The following PHF20L1 variants were observed in gnomAD, a reference collection of about 807,000 sequenced individuals.
PHF20L1 encodes PHD finger protein 20-like protein 1.
Under a neutral mutation model 125.5 loss-of-function variants are expected in PHF20L1, and 44 were observed. The ratio of observed to expected loss-of-function variants is 0.35; its 90% CI spans 0.28 to 0.45. The LOEUF (loss-of-function observed/expected upper bound fraction) is 0.45, where lower values mean the gene tolerates loss of function less well. Among genes scored for constraint, PHF20L1 ranks in the 20% least tolerant of loss-of-function variants. The pLI is 1.00. For missense variants in PHF20L1, 1,012 were observed against 1,217.2 expected, an observed-to-expected ratio of 0.83 and a Z score of 2.51; for synonymous variants, 380 against 403.1, an observed-to-expected ratio of 0.94 and a Z score of 0.69.
chr8:132,775,402 G>C lies in PHF20L1; in HGVS notation c.-281G>C, dbSNP rs1350518097. The C allele has an allele frequency of 2.6e-6, 1 of 381,898 alleles. No individual in the cohort carries two copies. The highest frequency in any genetic ancestry group is 3.9e-5 in the East Asian group (1 of 25,798). 23.7% of individuals were successfully genotyped at this position (381,898 alleles called of 1,614,324 possible). ...GGCGTCGCGTCAGGGCTGGCCGGCGGCGGAGGCGGCGGCGGCGGCGGCGAT... is the reference window on the plus strand; with the variant it reads ...GGCGTCGCGTCAGGGCTGGCCGGCGCCGGAGGCGGCGGCGGCGGCGGCGAT... On this transcript the variant is annotated 5_prime_UTR_variant, in exon 1 of 21. Coordinates refer to ENST00000395386, the MANE Select transcript of PHF20L1 (RefSeq NM_016018.5).
rs1035719676 is a variant in PHF20L1, at chr8:132,776,801, C to T, written c.-37-991C>T. Reference sequence around the variant, plus strand: ...CATAGTCATTAGTGATCTCAAATACCGAAAGACATTTTACGGATCTCTCCT... The same window carrying T: ...CATAGTCATTAGTGATCTCAAATACTGAAAGACATTTTACGGATCTCTCCT... On this transcript the variant is annotated intron_variant, in intron 1 of 20. Coordinates refer to ENST00000395386, the MANE Select transcript of PHF20L1 (RefSeq NM_016018.5). Among the ~76,000 whole-genome samples, 29 of 151,968 alleles carry T rather than the reference C, an allele frequency of 1.9e-4. 1 individual carries two copies. The highest frequency in any genetic ancestry group is 7.0e-4 in the African/African-American group (29 of 41,360).
chr8:132,799,519 C>T (rs1832796360), intron 6 of PHF20L1: 1 of 168,808 alleles, frequency 5.9e-6, no homozygotes, highest in African/African-American at 2.4e-5. Flanking sequence ...AGAAAGGTGC[C>T]ATTAGAAATT....
chr8:132,830,755 C>CT (rs1159471132), intron 14 of PHF20L1, among the ~76,000 whole-genome samples: 2 of 152,200 alleles, frequency 1.3e-5, no homozygotes, highest in Non-Finnish European at 2.9e-5. Context: ...TTTCTCACCA[C>CT]TGCCATCCCC....
intron 8 of PHF20L1, chr8:132,809,821 C>T (rs1456203067): frequency 6.6e-6 from 1 of 151,828 alleles, no homozygotes; most frequent in Non-Finnish European, 1.5e-5. Flanking sequence ...AACTGGGGTT[C>T]ACTGAAGGTA....
At chr8:132,833,179 G>A (rs902553171) in intron 15 of PHF20L1, among the ~76,000 whole-genome samples, 1 of 152,066 alleles carries the variant, frequency 6.6e-6, no homozygotes, top group Admixed American at 6.6e-5. Flanking sequence ...TTCAGCATAA[G>A]TACAACCTAG....
intron 13 of PHF20L1, 146 bp from the exon 14 acceptor site, chr8:132,825,118 T>C: frequency 6.5e-7 from 1 of 1,540,790 alleles, no homozygotes; most frequent in Non-Finnish European, 8.8e-7. Context: ...TCCAGAGTCA[T>C]GACATGAACA....
chr8:132,815,050 T>C, intron 10 of PHF20L1, 161 bp downstream of exon 10: 1 of 538,184 alleles, frequency 1.9e-6, no homozygotes, highest in Non-Finnish European at 3.2e-6. Context: ...ACCATAGACA[T>C]TTCTTACTGA....
At chr8:132,804,849 T>C (rs1287664370) in intron 8 of PHF20L1, 109 bp downstream of exon 8, 3 of 898,346 alleles carry the variant, frequency 3.3e-6, no homozygotes, top group Non-Finnish European at 3.4e-6. Flanking sequence ...ATGGACCTGT[T>C]AATAACAAAG....
At chr8:132,822,512 T>C (rs1279653201) in intron 12 of PHF20L1, among the ~76,000 whole-genome samples, 5 of 152,024 alleles carry the variant, frequency 3.3e-5, no homozygotes, top group African/African-American at 1.2e-4. Flanking sequence ...CACTGAGGAT[T>C]TGGAAAGCAC....
intron 8 of PHF20L1, chr8:132,807,913 A>G (rs1833923934): frequency 1.2e-5 from 4 of 325,400 alleles, no homozygotes; most frequent in Non-Finnish European, 2.4e-5. Flanking sequence ...AGGGCCTGTT[A>G]GTAATACATA....
intron 14 of PHF20L1, among the ~76,000 whole-genome samples, chr8:132,830,656 A>G (rs1050963702): frequency 8.5e-5 from 13 of 152,062 alleles, no homozygotes; most frequent in African/African-American, 1.4e-4. Context: ...CTCATACTCT[A>G]TCTACCACAT....
chr8:132,843,477 T>A (rs1838135371), intron 19 of PHF20L1: 2 of 981,108 alleles, frequency 2.0e-6, no homozygotes, highest in South Asian at 4.7e-5. Context: ...AACAAGTAAT[T>A]ACCATAAATA....
In PHF20L1 at chr8:132,846,101, C is replaced by G; in HGVS notation, c.*178C>G. ...ATGAAGAACAACTTTATCAAGGAAG[C>G]TAGTATTTAAAAACAAATTCATGAG... is the stretch of plus-strand genomic sequence containing the variant. On this transcript the variant is annotated 3_prime_UTR_variant, in exon 21 of 21. Transcript: ENST00000395386. The G allele has an allele frequency of 1.9e-6, 1 of 516,036 alleles. No individual in the cohort carries two copies. Among genetic ancestry groups the G allele is most frequent in the Admixed American group, 3.2e-5 (1 of 30,988 alleles). 32.0% of individuals were successfully genotyped at this position (516,036 alleles called of 1,614,324 possible). A position where few individuals can be genotyped will look rare whatever the true frequency, so the allele number is the denominator to read the frequency against.
At chr8:132,829,944 C>T (rs538308451) in intron 14 of PHF20L1, among the ~76,000 whole-genome samples, 3 of 152,002 alleles carry the variant, frequency 2.0e-5, no homozygotes, top group Admixed American at 6.6e-5. Context: ...GTTGGTTGTG[C>T]CGTGGTATTT....
chr8:132,824,114 G>C (rs1021234455), intron 13 of PHF20L1, 54 bp downstream of exon 13: 21 of 1,126,344 alleles, frequency 1.9e-5, no homozygotes, highest in Middle Eastern at 4.0e-4. Context: ...GACAGAGAGG[G>C]AGGACATAGT....
chr8:132,817,208 C>T (rs1835084267), intron 11 of PHF20L1, 131 bp from the exon 12 acceptor site: 7 of 916,348 alleles, frequency 7.6e-6, no homozygotes, highest in Non-Finnish European at 9.7e-6. Flanking sequence ...TTCACTTATT[C>T]TACAAATATT....
Position 132,775,471 on chromosome 8 carries a change from C to T in PHF20L1, c.-212C>T. On this transcript the variant is annotated 5_prime_UTR_variant, in exon 1 of 21. Coordinates refer to ENST00000395386, the MANE Select transcript of PHF20L1 (RefSeq NM_016018.5). The stretch of plus-strand genomic sequence containing the variant: ...AGCTTGAGGGCTCGGACCCAGCTCC[C>T]TCCCGCGAAACCTTGGGCGGATCCG... The T allele has an allele frequency of 2.6e-6, 1 of 381,456 alleles. No individual in the cohort carries two copies. The allele number at this position is 381,456 out of a possible 1,614,324, so 23.6% of individuals were successfully genotyped here. A position where few individuals can be genotyped will look rare whatever the true frequency, so the allele number is the denominator to read the frequency against.
chr8:132,838,111 C>A, intron 17 of PHF20L1: 1 of 211,452 alleles, frequency 4.7e-6, no homozygotes, highest in South Asian at 1.2e-4. Context: ...GACTCAACTT[C>A]CGTATTAAAA....
Position 132,824,018 on chromosome 8 carries a change from GA to G in PHF20L1, c.1602del (p.Val535Ter). The G allele has an allele frequency of 8.8e-6, 14 of 1,594,190 alleles. No individual in the cohort carries two copies. The highest frequency in any genetic ancestry group is 1.0e-5 in the Non-Finnish European group (12 of 1,166,476). On this transcript the variant is annotated frameshift_variant, in exon 13 of 21. Transcript: ENST00000395386. LOFTEE classifies it high-confidence loss of function. Reference protein sequence around the residue: ...APAAAGISKTEKKVKLEDKSS... With the variant: ...APAAAGISKTXKKVKLEDKSS... ...CTAACCCACAGGAATATCGAAAACA[GA>G]AAAAAAAGTGAAATTGGAAGACAAA...
Sources: gnomAD v4.1 joint callset for allele counts (sites outside exome capture counted in the v4.1 genomes callset) on GRCh38, gnomAD v4.1.1 for gene constraint, MANE v1.5 for transcripts, NCBI Gene and HGNC (gene_info 2026-07-23, HGNC 2026-07-21) for gene names.